Variants in HIP1R observed in about 807,000 individuals in gnomAD.
The protein encoded by HIP1R is huntingtin-interacting protein 1-related protein.
Under a neutral mutation model 144.2 loss-of-function variants are expected in HIP1R, and 135 were observed. The observed-to-expected ratio is 0.94, with a 90% confidence interval of 0.81 to 1.08. The LOEUF (loss-of-function observed/expected upper bound fraction) is 1.08. Among genes scored for constraint, HIP1R ranks in the 50% least tolerant of loss-of-function variants. The probability of loss-of-function intolerance (pLI) is 0.00; values close to 1 mark genes in which losing one functional copy is unlikely to be tolerated. For synonymous variants in HIP1R, 698 were observed against 612.8 expected (o/e 1.14, Z -2.05); for missense variants, 1,462 against 1,432.8 (o/e 1.02, Z -0.33).
intron 1 of HIP1R, among the ~76,000 whole-genome samples, chr12:122,845,805 T>G (rs1374922397): frequency 6.6e-6 from 1 of 152,150 alleles, no homozygotes; most frequent in Non-Finnish European, 1.5e-5. Flanking sequence ...GGAGCTCTGC[T>G]GAGTGGGCAT....
In HIP1R at chr12:122,860,539, T is replaced by TGG. The variant is rs759990337; in HGVS notation, c.2660+24_2660+25dup. ...CACAGCTGGTGTAGGTTGCCCTGGG[T>TGG]GGGGGGGGGCAGGGGGCTGCTTCCT... is the stretch of plus-strand genomic sequence containing the variant. On this transcript the variant is annotated intron_variant, in intron 27 of 31. Coordinates refer to ENST00000253083, the MANE Select transcript of HIP1R (RefSeq NM_003959.3). 12 of 893,976 alleles carry TGG rather than the reference T, an allele frequency of 1.3e-5. No homozygotes were observed. The African/African-American group carries it at 1.5e-4, about 11-fold the overall frequency. 55.4% of individuals were successfully genotyped at this position (893,976 alleles called of 1,614,324 possible). A position where few individuals can be genotyped will look rare whatever the true frequency, so the allele number is the denominator to read the frequency against.
At chr12:122,849,735 G>C (rs750942950) in intron 4 of HIP1R, 140 bp from the exon 5 acceptor site, 1 of 624,048 alleles carries the variant, frequency 1.6e-6, no homozygotes, top group Non-Finnish European at 2.9e-6. Context: ...GAGACAGAGA[G>C]GGTGGTTGGT....
chr12:122,858,131 G>T lies in HIP1R; in HGVS notation c.1845G>T (p.Arg615Ser). 2 of 1,597,444 alleles carry T rather than the reference G, an allele frequency of 1.3e-6. No individual in the cohort carries two copies. Among genetic ancestry groups the T allele is most frequent in the Non-Finnish European group, 1.7e-6 (2 of 1,174,200 alleles). ...CTCAGGAGCAGGGGCTGCGGCAGAG[G>T]CTGCTGGACGAGCAGTTCGCAGTGT... is the stretch of plus-strand genomic sequence containing the variant. ...RESQEQGLRQ[R>S]LLDEQFAVLR... Residue 615 changes from arginine (R) to serine (S), a missense_variant, in exon 19 of 32, where the codon AGG (arginine) becomes AGT (serine). Physicochemically the swap from Arg to Ser is moderately radical, Grantham distance 110. Coordinates refer to ENST00000253083, the MANE Select transcript of HIP1R (RefSeq NM_003959.3).
chr12:122,855,883 CTGGA>C lies in HIP1R; in HGVS notation c.1109_1112del (p.Leu370ArgfsTer14). 6.8e-7 allele frequency: 1 copy of C among 1,472,350 alleles called. No individual in the cohort carries two copies. The highest frequency in any genetic ancestry group is 9.2e-7 in the Non-Finnish European group (1 of 1,091,104). The allele number at this position is 1,472,350 out of a possible 1,614,324, so 91.2% of individuals were successfully genotyped here. On this transcript the variant is annotated frameshift_variant, in exon 13 of 32. Transcript: ENST00000253083. LOFTEE classifies it high-confidence loss of function. ...AGAGGTGGAAATGCTCCGCTCTGAA[CTGGA>C]GAAGATCAAGCTGGAGGTGCGGGGT...
intron 1 of HIP1R, among the ~76,000 whole-genome samples, chr12:122,847,299 G>A (rs188992626): frequency 1.1e-3 from 167 of 151,142 alleles, no homozygotes; most frequent in African/African-American, 1.6e-3. Context: ...GGCAGTAGCC[G>A]GGGCGGGGGG....
At position 122,854,830 on chromosome 12, in the gene HIP1R, G is replaced by A. The variant is rs561852992; in HGVS notation, c.719-75G>A. On this transcript the variant is annotated intron_variant, in intron 8 of 31. Transcript: ENST00000253083. ...TCTGATCTGTGAGTTTGTAGCATACGGAGGAACAAGGCAGGGCAGGTGAGC... is the reference window on the plus strand; with the variant it reads ...TCTGATCTGTGAGTTTGTAGCATACAGAGGAACAAGGCAGGGCAGGTGAGC... 179 of 1,465,720 alleles carry A rather than the reference G, an allele frequency of 1.2e-4. No individual in the cohort carries two copies. In the East Asian group the frequency reaches 3.7e-3, roughly 30 times the overall value. The allele number at this position is 1,465,720 out of a possible 1,614,324, so 90.8% of individuals were successfully genotyped here. A position where few individuals can be genotyped will look rare whatever the true frequency, so the allele number is the denominator to read the frequency against.
chr12:122,860,154 C>A lies in HIP1R; in HGVS notation c.2503C>A (p.Arg835=). The A allele has an allele frequency of 6.3e-7, 1 of 1,578,962 alleles. No homozygotes were observed. The highest frequency in any genetic ancestry group is 2.3e-5 in the East Asian group (1 of 43,674). ...NSCTDLMKAI[R]LLVTTSTSLQ... is the part of the protein sequence containing the mutation. The stretch of plus-strand genomic sequence containing the variant: ...GCTGTCTTGGTCTCGGCAGGCTATC[C>A]GGCTCCTGGTGACGACATCCACTAG... The change falls in exon 26 of 32, where the codon CGG becomes AGG. Residue 835 remains arginine (R), a synonymous_variant. Coordinates refer to ENST00000253083, the MANE Select transcript of HIP1R (RefSeq NM_003959.3).
At position 122,858,200 on chromosome 12, in the gene HIP1R, C is replaced by T. The variant is rs753717852; in HGVS notation, c.1914C>T (p.Ala638=). ...AGGCCGCGGGCATCCTGCAGGATGC[C>T]GTGAGCAAGCTGGACGACCCCCTGC... ...AAEAAGILQD[A]VSKLDDPLHL... is the part of the protein sequence containing the mutation. The change falls in exon 19 of 32, where the codon GCC becomes GCT. Residue 638 remains alanine, a synonymous_variant. Transcript: ENST00000253083. The T allele has an allele frequency of 2.9e-5, 47 of 1,607,916 alleles. No individual in the cohort carries two copies. The highest frequency in any genetic ancestry group is 3.3e-4 in the Middle Eastern group (2 of 6,036).
Position 122,840,697 on chromosome 12 carries a change from C to T in HIP1R, c.93+5054C>T, listed in dbSNP as rs1434654795. ...TAAGCGGAGGCCTTGTGTGCTGGGG[C>T]GGTTGGGGAGAAAAGTGGATCTGCA... is the stretch of plus-strand genomic sequence containing the variant. On this transcript the variant is annotated intron_variant, in intron 1 of 31. Transcript: ENST00000253083. This position sits in a 1 kb window ranked among gnomAD's most constrained non-coding sequence, Gnocchi z 4.2. 1.3e-5 allele frequency among the ~76,000 whole-genome samples: 2 copies of T among 152,016 alleles called. No individual in the cohort carries two copies. Among genetic ancestry groups the T allele is most frequent in the Non-Finnish European group, 2.9e-5 (2 of 68,006 alleles).
chr12:122,850,107 A>G, intron 5 of HIP1R, 152 bp downstream of exon 5: 1 of 711,006 alleles, frequency 1.4e-6, no homozygotes, highest in Non-Finnish European at 2.6e-6. Flanking sequence ...TAAAGGGGAG[A>G]CGGGGAAGCC....
rs564763180 is a variant in HIP1R, at chr12:122,857,905, C to T, written c.1816-197C>T. 3 of 448,736 alleles carry T rather than the reference C, an allele frequency of 6.7e-6. No homozygotes were observed. In the Admixed American group the frequency reaches 1.1e-4, roughly 17 times the overall value. 27.8% of individuals were successfully genotyped at this position (448,736 alleles called of 1,614,324 possible). ...GAAATGTCTTTTAGGACCTTGAGCT[C>T]ACGTTTTAATTGGGTTATCTTTTTA... On this transcript the variant is annotated intron_variant, in intron 18 of 31. Coordinates refer to ENST00000253083, the MANE Select transcript of HIP1R (RefSeq NM_003959.3).
At position 122,851,220 on chromosome 12, in the gene HIP1R, C is replaced by T; in HGVS notation, c.516-16C>T. ...ACCCACCCTTTTTCATTTCTTCCCC[C>T]ACTTCTCTTGCGTAGCTTCCAGCTC... On this transcript the variant is annotated splice_polypyrimidine_tract_variant and intron_variant, in intron 6 of 31. Coordinates refer to ENST00000253083, the MANE Select transcript of HIP1R (RefSeq NM_003959.3). 2 of 1,495,238 alleles carry T rather than the reference C, an allele frequency of 1.3e-6. No individual in the cohort carries two copies. Among genetic ancestry groups the T allele is most frequent in the Non-Finnish European group, 1.8e-6 (2 of 1,127,614 alleles). The allele number at this position is 1,495,238 out of a possible 1,614,324, so 92.6% of individuals were successfully genotyped here.
In HIP1R at chr12:122,835,502, C is replaced by T. The variant is rs1388231668; in HGVS notation, c.-49C>T. 7 of 1,285,368 alleles carry T rather than the reference C, an allele frequency of 5.4e-6. No homozygotes were observed. The allele number at this position is 1,285,368 out of a possible 1,614,324, so 79.6% of individuals were successfully genotyped here. A position where few individuals can be genotyped will look rare whatever the true frequency, so the allele number is the denominator to read the frequency against. On this transcript the variant is annotated 5_prime_UTR_variant, in exon 1 of 32. Transcript: ENST00000253083. ...AGGCTGGGGCTGCCGGACCGTGAGG[C>T]TGTGAGTCGCGCGGACGGAGCCGGA... is the stretch of plus-strand genomic sequence containing the variant.
In HIP1R at chr12:122,840,009, G is replaced by T. The variant is rs377300137; in HGVS notation, c.93+4366G>T. On this transcript the variant is annotated intron_variant, in intron 1 of 31. Transcript: ENST00000253083. This position sits in a 1 kb window ranked among gnomAD's most constrained non-coding sequence, Gnocchi z 4.2. ...GATTTGCCCGCAGCATGGCATGGGC[G>T]TTGAGCTCGTTGTTCCTGGGCATGC... Among the ~76,000 whole-genome samples, 8 of 152,236 alleles carry T rather than the reference G, an allele frequency of 5.3e-5. No homozygotes were observed. Among genetic ancestry groups the T allele is most frequent in the African/African-American group, 1.9e-4 (8 of 41,468 alleles).
At chr12:122,859,334 C>G in intron 22 of HIP1R, 92 bp from the exon 23 acceptor site, 1 of 1,467,390 alleles carries the variant, frequency 6.8e-7, no homozygotes, top group Admixed American at 1.7e-5. Flanking sequence ...ATGCACCCTC[C>G]TCGATCCCTG....
rs769026117 is a variant in HIP1R at position 122,849,926 on chromosome 12, C to T, written c.409C>T (p.Leu137=). ...GQLVNVYTKL[L]LTKISFHLKH... ...GCTGGTGAATGTCTACACCAAGCTGCTGCTGACCAAGATCTCCTTCCACCT... is the reference window on the plus strand; with the variant it reads ...GCTGGTGAATGTCTACACCAAGCTGTTGCTGACCAAGATCTCCTTCCACCT... Residue 137 remains leucine (L), a synonymous_variant, in exon 5 of 32, where the codon CTG becomes TTG. Transcript: ENST00000253083. 16 of 1,613,548 alleles carry T rather than the reference C, an allele frequency of 9.9e-6. No individual in the cohort carries two copies. Among genetic ancestry groups the T allele is most frequent in the Non-Finnish European group, 1.4e-5 (16 of 1,179,928 alleles).
At chr12:122,853,940 T>A in intron 7 of HIP1R, 103 bp from the exon 8 acceptor site, 1 of 1,334,408 alleles carries the variant, frequency 7.5e-7, no homozygotes, top group Non-Finnish European at 1.0e-6. Flanking sequence ...GGCACACTGG[T>A]GTGTGGGAGC....
At chr12:122,859,019 G>C in intron 21 of HIP1R, 42 bp from the exon 22 acceptor site, 3 of 1,069,854 alleles carry the variant, frequency 2.8e-6, no homozygotes, top group Non-Finnish European at 4.0e-6. Flanking sequence ...TATGGAGCCT[G>C]TCGGTGGGGG....
In HIP1R at chr12:122,859,388, G is replaced by C. The variant is rs74483054; in HGVS notation, c.2296-38G>C. ...CCAGGCTGCCCGTGGGACGGGGGGG[G>C]ACGGAGGCTACCCCTGTCTGACTCC... On this transcript the variant is annotated intron_variant, in intron 22 of 31. Transcript: ENST00000253083. 2,432 of 1,566,828 alleles carry C rather than the reference G, an allele frequency of 1.6e-3. 29 individuals carry two copies. The African/African-American group carries it at 0.028, about 18-fold the overall frequency.
Sources: gnomAD v4.1 joint callset for allele counts (sites outside exome capture counted in the v4.1 genomes callset) on GRCh38, gnomAD v4.1.1 for gene constraint, Gnocchi (gnomAD v3.1) non-coding constraint, MANE v1.5 for transcripts, NCBI Gene and HGNC (gene_info 2026-07-23, HGNC 2026-07-21) for gene names.